COX6C: variants seen among roughly 807,000 people sequenced by gnomAD.
The protein encoded by COX6C is cytochrome c oxidase polypeptide VIc.
In COX6C, 3 loss-of-function variants were observed where a neutral mutation model predicts 6.9. That is an observed-to-expected ratio of 0.43 (90% CI 0.20 to 1.12). The LOEUF (loss-of-function observed/expected upper bound fraction) is 1.12. COX6C is among the 50% of genes most tolerant of loss of function. The pLI is 0.27. For missense variants in COX6C, 101 were observed against 97.3 expected (o/e 1.04, Z -0.16); for synonymous variants, 32 against 32.0 (o/e 1.00, Z 0.00).
chr8:99,879,531 CAT>C (rs1294453738), intron 3 of COX6C, among the ~76,000 whole-genome samples: 1 of 152,000 alleles, frequency 6.6e-6, no homozygotes. Flanking sequence ...AATGAATAAA[CAT>C]ATGGACCAAA....
chr8:99,878,750 G>A lies in COX6C; in HGVS notation c.*16-485C>T, dbSNP rs1817796768. On this transcript the variant is annotated intron_variant, in intron 3 of 3. Coordinates refer to ENST00000520468, the MANE Select transcript of COX6C (RefSeq NM_004374.4). ...AACATCTTCTGATTATAAAATGCAT[G>A]CTCACTGTAAATTTTGAAAATTTCA... 3 of 152,214 alleles carry A rather than the reference G, an allele frequency of 2.0e-5. No homozygotes were observed. The South Asian group carries it at 6.2e-4, about 32-fold the overall frequency. 9.4% of individuals were successfully genotyped at this position (152,214 alleles called of 1,614,324 possible). A position where few individuals can be genotyped will look rare whatever the true frequency, so the allele number is the denominator to read the frequency against.
intron 3 of COX6C, among the ~76,000 whole-genome samples, chr8:99,881,324 C>T (rs1245057130): frequency 1.3e-5 from 2 of 150,722 alleles, no homozygotes; most frequent in African/African-American, 4.9e-5. Flanking sequence ...TGCATCACTA[C>T]ATTCCAGCCT....
chr8:99,879,285 A>C (rs561768389), intron 3 of COX6C, among the ~76,000 whole-genome samples: 29 of 152,324 alleles, frequency 1.9e-4, no homozygotes, highest in African/African-American at 6.5e-4. Flanking sequence ...TTGTGAATAC[A>C]ACAGACCAAA....
chr8:99,882,576 C>T (rs1031231741), intron 3 of COX6C, among the ~76,000 whole-genome samples: 3 of 139,648 alleles, frequency 2.1e-5, no homozygotes, highest in South Asian at 2.1e-4. Context: ...TAATATTAAA[C>T]AAAATGACTA....
At chr8:99,884,511 A>T (rs895437968) in intron 3 of COX6C, among the ~76,000 whole-genome samples, 1 of 152,244 alleles carries the variant, frequency 6.6e-6, no homozygotes, top group Admixed American at 6.5e-5. Flanking sequence ...TGCAATCCCC[A>T]TGGTAACCAC....
At chr8:99,883,381 CTATA>C (rs752663507) in intron 3 of COX6C, among the ~76,000 whole-genome samples, 1 of 150,066 alleles carries the variant, frequency 6.7e-6, no homozygotes, top group Non-Finnish European at 1.5e-5. Context: ...ACCCAGCTAA[CTATA>C]TATATATCTG....
chr8:99,890,868 A>G (rs1818022718), intron 2 of COX6C, among the ~76,000 whole-genome samples: 1 of 152,258 alleles, frequency 6.6e-6, no homozygotes, highest in South Asian at 2.1e-4. Flanking sequence ...GTCAAACAGA[A>G]CTATAATCGG....
chr8:99,887,766 A>G (rs2131008188), intron 2 of COX6C, 148 bp from the exon 3 acceptor site: 1 of 502,694 alleles, frequency 2.0e-6, no homozygotes, highest in East Asian at 3.3e-5. Context: ...AGGTGGTGAC[A>G]GATAAAAAGG....
At chr8:99,886,711 T>A (rs939999158) in intron 3 of COX6C, among the ~76,000 whole-genome samples, 1 of 152,218 alleles carries the variant, frequency 6.6e-6, no homozygotes, top group African/African-American at 2.4e-5. Flanking sequence ...GTAACATGGA[T>A]GAACCTTGAG....
intron 3 of COX6C, chr8:99,878,631 T>C (rs1317809221): frequency 1.3e-5 from 2 of 148,258 alleles, no homozygotes; most frequent in Admixed American, 1.4e-4. Context: ...CCAAGCCATA[T>C]TTTTGTTCCT....
At chr8:99,881,580 G>A (rs1439110522) in intron 3 of COX6C, among the ~76,000 whole-genome samples, 4 of 151,996 alleles carry the variant, frequency 2.6e-5, no homozygotes, top group South Asian at 2.1e-4. Context: ...AAAATAAATC[G>A]TTCTAACTTT....
intron 3 of COX6C, chr8:99,878,582 C>G (rs1487321387): frequency 6.6e-6 from 1 of 152,024 alleles, no homozygotes; most frequent in Non-Finnish European, 1.5e-5. Context: ...GCCCCCACCC[C>G]CCTGCCATTA....
Position 99,891,957 on chromosome 8 carries a change from T to C in COX6C, c.65A>G (p.His22Arg). ...GGATAGCACGAATGCTACAGCCATA[T>C]GATTTCGCAGACGCCTGGCCAGAAG... ...RGLLARRLRN[H>R]MAVAFVLSLG... Residue 22 changes from histidine to arginine, a missense_variant, in exon 2 of 4, where the codon CAT (histidine) becomes CGT (arginine). By Grantham distance (29) the His-to-Arg change is conservative. Transcript: ENST00000520468. 3 of 1,614,098 alleles carry C rather than the reference T, an allele frequency of 1.9e-6. No individual in the cohort carries two copies. The highest frequency in any genetic ancestry group is 2.5e-6 in the Non-Finnish European group (3 of 1,180,020).
At chr8:99,887,641 A>G (rs752085033) in intron 2 of COX6C, 23 bp from the exon 3 acceptor site, 8 of 1,502,084 alleles carry the variant, frequency 5.3e-6, no homozygotes, top group Non-Finnish European at 7.3e-6. Context: ...CATCCATTAG[A>G]GTTTATTTTT....
At chr8:99,880,495 G>A (rs955488682) in intron 3 of COX6C, among the ~76,000 whole-genome samples, 1 of 152,092 alleles carries the variant, frequency 6.6e-6, no homozygotes, top group Non-Finnish European at 1.5e-5. Flanking sequence ...GGGGAGAAGG[G>A]GTCGGAATCA....
At chr8:99,883,472 T>TA (rs1491295653) in intron 3 of COX6C, among the ~76,000 whole-genome samples, 46 of 112,192 alleles carry the variant, frequency 4.1e-4, no homozygotes, top group South Asian at 1.7e-3. Context: ...TATATATATA[T>TA]TTTTTTTTTG....
intron 3 of COX6C, 33 bp downstream of exon 3, chr8:99,887,455 ATT>A: frequency 7.7e-7 from 1 of 1,297,550 alleles, no homozygotes; most frequent in Non-Finnish European, 1.1e-6. Flanking sequence ...ACAATTAGAA[ATT>A]TTTTTTTAAG....
chr8:99,888,737 C>A (rs1588829296), intron 2 of COX6C, among the ~76,000 whole-genome samples: 1 of 152,352 alleles, frequency 6.6e-6, no homozygotes, highest in African/African-American at 2.4e-5. Flanking sequence ...AGCCTGAAGG[C>A]TGAAAGGCCA....
intron 2 of COX6C, among the ~76,000 whole-genome samples, chr8:99,891,654 C>T (rs1818034829): frequency 6.6e-6 from 1 of 152,174 alleles, no homozygotes; most frequent in African/African-American, 2.4e-5. Flanking sequence ...GATATCAACC[C>T]TGCCAACAGA....
Sources: allele counts gnomAD v4.1 joint callset (sites outside exome capture counted in the v4.1 genomes callset), GRCh38; gene constraint gnomAD v4.1.1; transcripts MANE v1.5; gene names NCBI Gene and HGNC (gene_info 2026-07-23, HGNC 2026-07-21).